Variants in TLK1 observed in about 807,000 individuals in gnomAD.
TLK1 encodes tousled like kinase 1, also known as serine/threonine-protein kinase tousled-like 1.
Under a neutral mutation model 105.3 loss-of-function variants are expected in TLK1, and 24 were observed. That is an observed-to-expected ratio of 0.23 (90% CI 0.17 to 0.32). TLK1 has a LOEUF of 0.32. Among genes scored for constraint, TLK1 ranks in the 10% least tolerant of loss-of-function variants. TLK1 has a pLI of 1.00. For synonymous variants in TLK1, 321 were observed against 310.4 expected (o/e 1.03, Z -0.36); for missense variants, 558 against 910.5 (o/e 0.61, Z 4.98).
chr2:171,050,034 A>G (rs1687160711), intron 9 of TLK1, 30 bp downstream of exon 9: 3 of 1,607,014 alleles, frequency 1.9e-6, no homozygotes, highest in Non-Finnish European at 2.6e-6. Context: ...AATGAAGGGA[A>G]AGCGAAAATT....
chr2:171,180,158 C>T (rs61105084), intron 1 of TLK1, among the ~76,000 whole-genome samples: 15,540 of 150,000 alleles, frequency 0.1, 1,217 homozygotes, highest in African/African-American at 0.21. Context: ...CCCAGCTACT[C>T]GGGGCCACTG....
chr2:171,226,565 G>C (rs1266004508), intron 1 of TLK1, among the ~76,000 whole-genome samples: 2 of 152,170 alleles, frequency 1.3e-5, no homozygotes, highest in African/African-American at 4.8e-5. Context: ...ATTCTTAATA[G>C]AGGCTTGGGC....
In TLK1 at chr2:171,128,966, A is replaced by ATG. The variant is rs10609101; in HGVS notation, c.140-11111_140-11110dup. Reference sequence around the variant, plus strand: ...CAAAAGAAGGGTCCAGAGGAAGAGTATGTGTGTGTGTGTGTGTATGTGTGT... The same window carrying ATG: ...CAAAAGAAGGGTCCAGAGGAAGAGTATGTGTGTGTGTGTGTGTGTATGTGTGT... On this transcript the variant is annotated intron_variant, in intron 1 of 20. Coordinates refer to ENST00000431350, the MANE Select transcript of TLK1 (RefSeq NM_012290.5). Among the ~76,000 whole-genome samples, 300 of 150,620 alleles carry ATG rather than the reference A, an allele frequency of 2.0e-3. 1 individual carries two copies. The highest frequency in any genetic ancestry group is 3.5e-3 in the East Asian group (18 of 5,136).
In TLK1 at chr2:170,991,228, T is replaced by G. The variant is rs1258194388; in HGVS notation, c.*2552A>C. On this transcript the variant is annotated 3_prime_UTR_variant, in exon 21 of 21. Coordinates refer to ENST00000431350, the MANE Select transcript of TLK1 (RefSeq NM_012290.5). ...AAAAGAGAGGCCTTGGCTATCATCT[T>G]AGGGATGCAGGACATGCTTTAATTC... 1 of 152,152 alleles carries G rather than the reference T, an allele frequency of 6.6e-6. No individual in the cohort carries two copies. Among genetic ancestry groups the G allele is most frequent in the East Asian group, 1.9e-4 (1 of 5,190 alleles). 9.4% of individuals were successfully genotyped at this position (152,152 alleles called of 1,614,324 possible). A position where few individuals can be genotyped will look rare whatever the true frequency, so the allele number is the denominator to read the frequency against.
At chr2:171,018,333 C>T (rs1326431609) in intron 12 of TLK1, among the ~76,000 whole-genome samples, 2 of 152,172 alleles carry the variant, frequency 1.3e-5, no homozygotes, top group Non-Finnish European at 2.9e-5. Context: ...GTTTAGGTGC[C>T]CAGTCTGATA....
intron 2 of TLK1, among the ~76,000 whole-genome samples, chr2:171,113,838 G>C (rs1690291570): frequency 6.6e-6 from 1 of 152,038 alleles, no homozygotes; most frequent in Admixed American, 6.6e-5. Context: ...TATGGTCCAG[G>C]GATGCAGAAG....
At chr2:171,071,995 C>G (rs191256200) in intron 3 of TLK1, among the ~76,000 whole-genome samples, 1 of 152,286 alleles carries the variant, frequency 6.6e-6, no homozygotes, top group African/African-American at 2.4e-5. Flanking sequence ...GTTTTGATTA[C>G]TATAGCTTTG....
upstream of TLK1, among the ~76,000 whole-genome samples, chr2:171,164,489 TAAAAAG>T (rs891716322): frequency 1.3e-5 from 2 of 150,222 alleles, no homozygotes; most frequent in African/African-American, 4.9e-5. Flanking sequence ...CCCCATCTCT[TAAAAAG>T]AAAAAAAACT....
intron 13 of TLK1, among the ~76,000 whole-genome samples, chr2:171,013,210 A>T (rs1206222566): frequency 6.7e-6 from 1 of 150,220 alleles, no homozygotes; most frequent in South Asian, 2.1e-4. Context: ...ATGGGGTTTC[A>T]CCATGTTGGC....
At chr2:171,113,428 G>A (rs892095646) in intron 2 of TLK1, among the ~76,000 whole-genome samples, 19 of 151,870 alleles carry the variant, frequency 1.3e-4, no homozygotes, top group Admixed American at 1.3e-4. Context: ...CCGCCACCAT[G>A]CCCAGCTAAT....
intron 3 of TLK1, among the ~76,000 whole-genome samples, chr2:171,076,917 A>AAAAG (rs138913886): frequency 0.032 from 4,873 of 151,774 alleles, 247 homozygotes; most frequent in African/African-American, 0.11. Flanking sequence ...TGTCTCAAAA[A>AAAAG]AAAGAAAGAA....
At chr2:171,032,567 A>G (rs1271607524) in intron 11 of TLK1, among the ~76,000 whole-genome samples, 1 of 152,228 alleles carries the variant, frequency 6.6e-6, no homozygotes, top group Non-Finnish European at 1.5e-5. Context: ...ACTAAAAACT[A>G]CAAAATATTG....
At chr2:171,053,250 A>G (rs987456691) in intron 8 of TLK1, among the ~76,000 whole-genome samples, 1 of 152,172 alleles carries the variant, frequency 6.6e-6, no homozygotes, top group Non-Finnish European at 1.5e-5. Context: ...CAGTTCTCCA[A>G]CAGTTTCTCA....
intron 1 of TLK1, among the ~76,000 whole-genome samples, chr2:171,139,608 AAAC>A (rs545847770): frequency 3.7e-4 from 56 of 152,080 alleles, no homozygotes; most frequent in East Asian, 1.5e-3. Context: ...ACAAACAAAC[AAAC>A]AACAACAACA....
intron 1 of TLK1, among the ~76,000 whole-genome samples, chr2:171,131,974 G>A (rs986735555): frequency 6.6e-6 from 1 of 152,054 alleles, no homozygotes; most frequent in African/African-American, 2.4e-5. Context: ...ACTAGCTGAC[G>A]TACTGCTAAA....
intron 1 of TLK1, among the ~76,000 whole-genome samples, chr2:171,193,024 G>A (rs931316359): frequency 6.6e-6 from 1 of 152,228 alleles, no homozygotes; most frequent in Non-Finnish European, 1.5e-5. Context: ...TGATTATGGT[G>A]TAAAACCTGC....
At chr2:171,113,373 C>A (rs1690266607) in intron 2 of TLK1, among the ~76,000 whole-genome samples, 1 of 151,652 alleles carries the variant, frequency 6.6e-6, no homozygotes, top group African/African-American at 2.4e-5. Context: ...TGGGTTCAAG[C>A]AATTCTCCTG....
chr2:171,202,529 C>T (rs765010414), intron 1 of TLK1, among the ~76,000 whole-genome samples: 17 of 151,944 alleles, frequency 1.1e-4, no homozygotes, highest in Non-Finnish European at 1.9e-4. Flanking sequence ...GAGGCTGAGG[C>T]GGGCAGAACA....
chr2:171,134,679 G>GAGAA (rs1327216705), intron 1 of TLK1, among the ~76,000 whole-genome samples: 2 of 122,130 alleles, frequency 1.6e-5, no homozygotes, highest in Non-Finnish European at 3.5e-5. Flanking sequence ...AGATGAATAG[G>GAGAA]AAAAAAAAAA....
Sources: gnomAD v4.1 joint callset for allele counts (sites outside exome capture counted in the v4.1 genomes callset) on GRCh38, gnomAD v4.1.1 for gene constraint, MANE v1.5 for transcripts, NCBI Gene and HGNC (gene_info 2026-07-23, HGNC 2026-07-21) for gene names.